APTX: variants seen among roughly 807,000 people sequenced by gnomAD.
APTX encodes aprataxin, also known as forkhead-associated domain histidine triad-like protein.
A neutral mutation model predicts 42.3 loss-of-function variants in APTX; 33 were observed. That is an observed-to-expected ratio of 0.78 (90% CI 0.59 to 1.04). APTX has a LOEUF of 1.04. Ranked by LOEUF, APTX falls within the 50% of genes least tolerant of loss-of-function variation. The pLI, the probability that APTX is intolerant of heterozygous loss-of-function variation, is 0.00. For missense variants in APTX, 421 were observed against 415.1 expected, an observed-to-expected ratio of 1.01 and a Z score of -0.12; for synonymous variants, 130 against 146.7, an observed-to-expected ratio of 0.89 and a Z score of 0.82.
At chr9:32,974,667 C>A in intron 6 of APTX, 106 bp from the exon 7 acceptor site, 1 of 699,236 alleles carries the variant, frequency 1.4e-6, no homozygotes, top group East Asian at 2.7e-5. Context: ...ATTGAATACT[C>A]TTTGAATATT....
rs10971265 is a variant in APTX at position 32,984,096 on chromosome 9, G to A, written c.770+535C>T. 1.8e-3 allele frequency among the ~76,000 whole-genome samples: 278 copies of A among 152,184 alleles called. 6 individuals are homozygous for A. The East Asian group carries it at 0.037, about 20-fold the overall frequency. On this transcript the variant is annotated intron_variant, in intron 6 of 7. Transcript: ENST00000379817. Reference sequence around the variant, plus strand: ...TTATTGCTTAAATCAAAGAAATCACGGAGATCCACCTTGCTTGTATTCTTT... The same window carrying A: ...TTATTGCTTAAATCAAAGAAATCACAGAGATCCACCTTGCTTGTATTCTTT...
Position 33,010,864 on chromosome 9 carries a change from G to A in APTX, c.-5+14159C>T, listed in dbSNP as rs755808355. Among the ~76,000 whole-genome samples the A allele has an allele frequency of 2.6e-5, 4 of 151,392 alleles. No homozygotes were observed. In the South Asian group the frequency reaches 6.3e-4, roughly 24 times the overall value. On this transcript the variant is annotated intron_variant, in intron 1 of 6. Transcript: ENST00000436040. ...GATATAGAAAGTGGTGAGGATGGCC[G>A]GGCGTGGTGACTAACGCCTGTAATC...
intron 1 of APTX, among the ~76,000 whole-genome samples, chr9:33,013,158 A>ATGT (rs1223608990): frequency 2.6e-5 from 4 of 152,230 alleles, no homozygotes; most frequent in African/African-American, 9.6e-5. Flanking sequence ...ACTATTAGCA[A>ATGT]ACATTTACTA....
At chr9:33,002,681 C>T (rs1431798980), upstream of APTX, among the ~76,000 whole-genome samples, 5 of 152,304 alleles carry the variant, frequency 3.3e-5, no homozygotes, top group East Asian at 9.6e-4. Context: ...TGCAAAACCC[C>T]GTTGCAGTGA....
intron 1 of APTX, among the ~76,000 whole-genome samples, chr9:33,009,932 T>G (rs1388494233): frequency 6.6e-6 from 1 of 152,172 alleles, no homozygotes; most frequent in Non-Finnish European, 1.5e-5. Flanking sequence ...TTTACAGAAG[T>G]TCTTGTCCAT....
At chr9:32,986,867 G>C (rs1051750847) in intron 4 of APTX, among the ~76,000 whole-genome samples, 1 of 151,962 alleles carries the variant, frequency 6.6e-6, no homozygotes, top group Non-Finnish European at 1.5e-5. Flanking sequence ...GGAGTGCAGT[G>C]GTGCAATCTC....
At position 32,989,855 on chromosome 9, in the gene APTX, G is replaced by A. The variant is rs779371017; in HGVS notation, c.37C>T (p.Arg13Trp). Reference protein sequence around the residue: ...RVCWLVRQDSRHQRIRLPHLE... With the variant: ...RVCWLVRQDSWHQRIRLPHLE... ...TGTGGAAGTCTGATTCGCTGGTGCC[G>A]GCTGTCCTGTCTCACCAACCAGCAC... is the stretch of plus-strand genomic sequence containing the variant. Residue 13 changes from arginine to tryptophan, a missense_variant, in exon 2 of 8, where the codon CGG becomes TGG. Physicochemically the swap from Arg to Trp is moderately radical, Grantham distance 101. Transcript: ENST00000379817. 14 of 1,614,056 alleles carry A rather than the reference G, an allele frequency of 8.7e-6. No homozygotes were observed. The highest frequency in any genetic ancestry group is 1.3e-5 in the African/African-American group (1 of 74,906).
At chr9:33,006,635 T>C (rs1837164510) in intron 1 of APTX, among the ~76,000 whole-genome samples, 1 of 152,158 alleles carries the variant, frequency 6.6e-6, no homozygotes, top group Non-Finnish European at 1.5e-5. Flanking sequence ...GTTTTGGCAT[T>C]TGGGGAAAGC....
At chr9:33,015,822 T>C (rs530418261) in intron 1 of APTX, 5 of 152,338 alleles carry the variant, frequency 3.3e-5, no homozygotes, top group Non-Finnish European at 4.4e-5. Context: ...TTATAACTAA[T>C]CAAAGCTATT....
At chr9:32,975,531 C>G (rs1829174659) in intron 6 of APTX, among the ~76,000 whole-genome samples, 1 of 152,060 alleles carries the variant, frequency 6.6e-6, no homozygotes, top group African/African-American at 2.4e-5. Context: ...GTGAAACTAA[C>G]TACTAAAAAT....
intron 1 of APTX, chr9:33,019,892 G>C (rs1838231059): frequency 1.7e-6 from 1 of 581,950 alleles, no homozygotes; most frequent in Admixed American, 2.8e-5. Flanking sequence ...TGGAGCCAGG[G>C]ACCCATGGGC....
chr9:32,979,287 T>A (rs1395693951), intron 6 of APTX, among the ~76,000 whole-genome samples: 1 of 152,110 alleles, frequency 6.6e-6, no homozygotes, highest in Non-Finnish European at 1.5e-5. Flanking sequence ...TGAGAACATG[T>A]GGTATTTGGT....
chr9:33,004,685 T>G (rs1232290593), upstream of APTX, among the ~76,000 whole-genome samples: 1 of 145,764 alleles, frequency 6.9e-6, no homozygotes, highest in Non-Finnish European at 1.5e-5. Context: ...CAGGCTGGAG[T>G]GCAGTGGTGC....
At chr9:33,018,578 A>AG (rs909472528) in intron 1 of APTX, among the ~76,000 whole-genome samples, 2 of 150,272 alleles carry the variant, frequency 1.3e-5, no homozygotes, top group Non-Finnish European at 3.0e-5. Context: ...CAGAAAAAAA[A>AG]AAAAAAAAAA....
intron 1 of APTX, among the ~76,000 whole-genome samples, chr9:33,011,087 G>A (rs1232554787): frequency 6.6e-6 from 1 of 151,440 alleles, no homozygotes; most frequent in African/African-American, 2.4e-5. Context: ...AGGTTGTAGT[G>A]AGCTGAGATC....
chr9:32,991,273 C>A (rs549775738), intron 1 of APTX, among the ~76,000 whole-genome samples: 1 of 152,088 alleles, frequency 6.6e-6, no homozygotes, highest in Non-Finnish European at 1.5e-5. Context: ...TTGTGCAATA[C>A]GCAACGCGCA....
chr9:33,015,246 T>C (rs1037819804), intron 1 of APTX, among the ~76,000 whole-genome samples: 1 of 152,206 alleles, frequency 6.6e-6, no homozygotes, highest in Non-Finnish European at 1.5e-5. Context: ...TCTGCACAAA[T>C]GCTATGATGG....
At position 33,006,868 on chromosome 9, in the gene APTX, C is replaced by T. The variant is rs1313913016; in HGVS notation, c.-4-16973G>A. Among the ~76,000 whole-genome samples the T allele has an allele frequency of 7.3e-5, 11 of 151,568 alleles. No homozygotes were observed. The South Asian group carries it at 1.5e-3, about 20-fold the overall frequency. On this transcript the variant is annotated intron_variant, in intron 1 of 6. Coordinates refer to the APTX transcript ENST00000436040. ...ACAAAAAATTAGCCGGGCAAGGTGG[C>T]GGGTGCCTGTAGTCCCAGCTACTTG...
At position 32,988,034 on chromosome 9, in the gene APTX, G is replaced by A. The variant is rs1184860125; in HGVS notation, c.180+49C>T. 4 of 1,586,442 alleles carry A rather than the reference G, an allele frequency of 2.5e-6. No homozygotes were observed. The South Asian group carries it at 4.4e-5, about 18-fold the overall frequency. On this transcript the variant is annotated intron_variant, in intron 3 of 7. Coordinates refer to ENST00000379817, the MANE Select transcript of APTX (RefSeq NM_001195248.2). ...TGGCACAGACACTCTAAAGTCAACAGCATAAGAAAATCATCGAGTATAAAA... is the reference window on the plus strand; with the variant it reads ...TGGCACAGACACTCTAAAGTCAACAACATAAGAAAATCATCGAGTATAAAA...
Sources: gnomAD v4.1 joint callset for allele counts (sites outside exome capture counted in the v4.1 genomes callset) on GRCh38, gnomAD v4.1.1 for gene constraint, MANE v1.5 for transcripts, NCBI Gene and HGNC (gene_info 2026-07-23, HGNC 2026-07-21) for gene names.